ZNF845: variants seen among roughly 807,000 people sequenced by gnomAD.
ZNF845 encodes zinc finger protein 845.
Under a neutral mutation model 76.1 loss-of-function variants are expected in ZNF845, and 59 were observed. That is an observed-to-expected ratio of 0.78 (90% CI 0.63 to 0.96). The LOEUF (loss-of-function observed/expected upper bound fraction) is 0.96. ZNF845 is among the 40% of genes least tolerant of loss of function. ZNF845 has a pLI of 0.00. For missense variants in ZNF845, 1,045 were observed against 1,172.8 expected (o/e 0.89, Z 1.59); for synonymous variants, 361 against 386.9 (o/e 0.93, Z 0.78).
intron 2 of ZNF845, among the ~76,000 whole-genome samples, chr19:53,342,291 A>G (rs1031826743): frequency 2.1e-4 from 32 of 151,794 alleles, no homozygotes; most frequent in African/African-American, 7.5e-4. Context: ...ATTTAGTTGC[A>G]TTTTTATTAG....
At chr19:53,338,183 C>A (rs2085229313) in intron 1 of ZNF845, among the ~76,000 whole-genome samples, 1 of 152,142 alleles carries the variant, frequency 6.6e-6, no homozygotes, top group Non-Finnish European at 1.5e-5. Flanking sequence ...TCCCACATTT[C>A]TTCTGGAAAT....
chr19:53,338,942 A>G (rs2085237025), intron 1 of ZNF845, among the ~76,000 whole-genome samples: 1 of 150,486 alleles, frequency 6.6e-6, no homozygotes. Context: ...AGAAAGAAAG[A>G]AAAAAAAATG....
chr19:53,345,933 G>A (rs888185360), intron 3 of ZNF845, among the ~76,000 whole-genome samples: 44 of 150,068 alleles, frequency 2.9e-4, no homozygotes, highest in Non-Finnish European at 5.9e-5. Flanking sequence ...AGCTGGTCTT[G>A]GTCTCCTGGG....
chr19:53,341,191 G>A, intron 1 of ZNF845, 44 bp from the exon 2 acceptor site: 1 of 1,450,358 alleles, frequency 6.9e-7, no homozygotes, highest in South Asian at 1.2e-5. Context: ...AACGGAGGGG[G>A]TGTGTTGATT....
intron 2 of ZNF845, among the ~76,000 whole-genome samples, chr19:53,343,428 G>C (rs55861621): frequency 0.13 from 19,697 of 152,206 alleles, 1,507 homozygotes; most frequent in South Asian, 0.21. Flanking sequence ...CTCCAGGTCA[G>C]GCGGTTGAAA....
Position 53,345,504 on chromosome 19 carries a change from A to G in ZNF845, c.16-2A>G. ...TTTCCTTAAAATGTGTTTTCATTTC[A>G]GGGTCTATTGACATTCAGGGATGTG... On this transcript the variant is annotated splice_acceptor_variant, in intron 2 of 3. Coordinates refer to ENST00000458035, the MANE Select transcript of ZNF845 (RefSeq NM_138374.3). LOFTEE classifies it high-confidence loss of function. 1 of 1,613,732 alleles carries G rather than the reference A, an allele frequency of 6.2e-7. No individual in the cohort carries two copies. Among genetic ancestry groups the G allele is most frequent in the Non-Finnish European group, 8.5e-7 (1 of 1,179,772 alleles).
Position 53,353,616 on chromosome 19 carries a change from A to G in ZNF845, c.*28A>G. On this transcript the variant is annotated 3_prime_UTR_variant, in exon 4 of 4. Transcript: ENST00000458035. ...ATATGAAGAATGTGACAAAGTTTAC[A>G]GTTGTAAATCAAGTCTTGAAAGACA... 1 of 1,547,006 alleles carries G rather than the reference A, an allele frequency of 6.5e-7. No homozygotes were observed. The highest frequency in any genetic ancestry group is 8.7e-7 in the Non-Finnish European group (1 of 1,146,950).
At chr19:53,340,198 T>C (rs1012491660) in intron 1 of ZNF845, among the ~76,000 whole-genome samples, 1 of 152,196 alleles carries the variant, frequency 6.6e-6, no homozygotes, top group African/African-American at 2.4e-5. Context: ...ATTACAGGCG[T>C]GTGCTACCAT....
In ZNF845 at chr19:53,353,882, G is replaced by A. The variant is rs140015571; in HGVS notation, c.*294G>A. ...CAAAGTCTTCAGTAACACTACAACC[G>A]TTTCAAATCATTGGAGAATCCATAA... is the stretch of plus-strand genomic sequence containing the variant. On this transcript the variant is annotated 3_prime_UTR_variant, in exon 4 of 4. Transcript: ENST00000458035. 2.1e-4 allele frequency: 241 copies of A among 1,122,974 alleles called. 1 individual carries two copies. The highest frequency in any genetic ancestry group is 3.2e-4 in the Admixed American group (13 of 40,052). 69.6% of individuals were successfully genotyped at this position (1,122,974 alleles called of 1,614,324 possible).
chr19:53,353,658 A>C lies in ZNF845; in HGVS notation c.*70A>C. The C allele has an allele frequency of 6.6e-7, 1 of 1,520,288 alleles. No individual in the cohort carries two copies. Among genetic ancestry groups the C allele is most frequent in the Non-Finnish European group, 8.8e-7 (1 of 1,137,268 alleles). 94.2% of individuals were successfully genotyped at this position (1,520,288 alleles called of 1,614,324 possible). A position where few individuals can be genotyped will look rare whatever the true frequency, so the allele number is the denominator to read the frequency against. ...TGAAAGACAGGAGAATTCATACTGG[A>C]GAGAAAGCTTACAAATGTAAGAGTT... On this transcript the variant is annotated 3_prime_UTR_variant, in exon 4 of 4. Transcript: ENST00000458035.
At chr19:53,335,480 C>T (rs1249233096) in intron 1 of ZNF845, among the ~76,000 whole-genome samples, 1 of 151,954 alleles carries the variant, frequency 6.6e-6, no homozygotes, top group East Asian at 1.9e-4. Context: ...CCAGGCTGGT[C>T]TCAATTCTGG....
chr19:53,348,782 A>G (rs906314889), intron 3 of ZNF845, among the ~76,000 whole-genome samples: 14 of 148,928 alleles, frequency 9.4e-5, no homozygotes, highest in Non-Finnish European at 1.5e-4. Context: ...GAATTGCTGT[A>G]TTGCCTGGCT....
At position 53,352,674 on chromosome 19, in the gene ZNF845, G is replaced by A. The variant is rs770562286; in HGVS notation, c.1999G>A (p.Glu667Lys). The A allele has an allele frequency of 6.2e-7, 1 of 1,613,890 alleles. No individual in the cohort carries two copies. The highest frequency in any genetic ancestry group is 8.5e-7 in the Non-Finnish European group (1 of 1,179,908). ...HTGEKPYRCN[E>K]CGKTFSRKSY... ...TGGAGAGAAACCTTACAGGTGTAAT[G>A]AATGTGGCAAGACCTTTAGTCGGAA... The change falls in exon 4 of 4, where the codon GAA becomes AAA. Residue 667 changes from glutamate (E) to lysine (K), a missense_variant. Transcript: ENST00000458035.
In ZNF845 at chr19:53,353,847, A is replaced by G. The variant is rs1007833135; in HGVS notation, c.*259A>G. 2 of 1,339,088 alleles carry G rather than the reference A, an allele frequency of 1.5e-6. No individual in the cohort carries two copies. The highest frequency in any genetic ancestry group is 2.9e-5 in the African/African-American group (2 of 68,222). 83.0% of individuals were successfully genotyped at this position (1,339,088 alleles called of 1,614,324 possible). A position where few individuals can be genotyped will look rare whatever the true frequency, so the allele number is the denominator to read the frequency against. On this transcript the variant is annotated 3_prime_UTR_variant, in exon 4 of 4. Coordinates refer to ENST00000458035, the MANE Select transcript of ZNF845 (RefSeq NM_138374.3). The stretch of plus-strand genomic sequence containing the variant: ...GGTATAGGGAAACTTTACTAATGTA[A>G]TGATTATCACAAAGTCTTCAGTAAC...
In ZNF845 at chr19:53,353,879, A is replaced by G. The variant is rs553728548; in HGVS notation, c.*291A>G. On this transcript the variant is annotated 3_prime_UTR_variant, in exon 4 of 4. Transcript: ENST00000458035. Reference sequence around the variant, plus strand: ...TCACAAAGTCTTCAGTAACACTACAACCGTTTCAAATCATTGGAGAATCCA... The same window carrying G: ...TCACAAAGTCTTCAGTAACACTACAGCCGTTTCAAATCATTGGAGAATCCA... 8.8e-6 allele frequency: 10 copies of G among 1,141,954 alleles called. No homozygotes were observed. The highest frequency in any genetic ancestry group is 6.2e-5 in the African/African-American group (4 of 64,302). The allele number at this position is 1,141,954 out of a possible 1,614,324, so 70.7% of individuals were successfully genotyped here. A position where few individuals can be genotyped will look rare whatever the true frequency, so the allele number is the denominator to read the frequency against.
intron 1 of ZNF845, among the ~76,000 whole-genome samples, chr19:53,334,670 G>A (rs1032729256): frequency 2.6e-5 from 4 of 151,786 alleles, no homozygotes; most frequent in Non-Finnish European, 4.4e-5. Context: ...GGAGACTGGG[G>A]CAGAGGGATT....
intron 1 of ZNF845, among the ~76,000 whole-genome samples, chr19:53,340,217 A>G (rs1324139115): frequency 6.6e-6 from 1 of 152,052 alleles, no homozygotes; most frequent in Non-Finnish European, 1.5e-5. Context: ...ATGCCCAGCT[A>G]ATTTTTGTAT....
chr19:53,353,573 T>C lies in ZNF845; in HGVS notation c.2898T>C (p.Thr966=). 1 of 1,594,996 alleles carries C rather than the reference T, an allele frequency of 6.3e-7. No homozygotes were observed. Among genetic ancestry groups the C allele is most frequent in the South Asian group, 1.1e-5 (1 of 88,574 alleles). ...TTGCACGTCATCATAGAATTCATAC[T>C]GGAAAGAAACATTAGAAATATGAAG... ...AKLARHHRIH[T]GKKH Residue 966 remains threonine (T), a synonymous_variant, in exon 4 of 4, where the codon ACT becomes ACC. Transcript: ENST00000458035.
intron 3 of ZNF845, 127 bp downstream of exon 3, chr19:53,345,759 T>G: frequency 6.6e-7 from 1 of 1,519,690 alleles, no homozygotes; most frequent in Non-Finnish European, 8.8e-7. Flanking sequence ...CATGTCTTAC[T>G]GCAATCTTGA....
Sources: gnomAD v4.1 joint callset for allele counts (sites outside exome capture counted in the v4.1 genomes callset) on GRCh38, gnomAD v4.1.1 for gene constraint, MANE v1.5 for transcripts, NCBI Gene and HGNC (gene_info 2026-07-23, HGNC 2026-07-21) for gene names.